Variants in ZBTB34 observed in about 807,000 individuals in gnomAD.
ZBTB34 encodes zinc finger and BTB domain-containing protein 34.
ZBTB34 carries 1 observed loss-of-function variant against 33.4 expected under a neutral mutation model. The observed-to-expected ratio is 0.03, with a 90% confidence interval of 0.01 to 0.14. The LOEUF is 0.14. ZBTB34 is among the 10% of genes least tolerant of loss of function. The pLI is 1.00. For missense variants in ZBTB34, 406 were observed against 657.2 expected, an observed-to-expected ratio of 0.62 and a Z score of 4.18; for synonymous variants, 283 against 253.5, an observed-to-expected ratio of 1.12 and a Z score of -1.11.
exon 2 of ZBTB34, chr9:126,881,402 A>G (rs2033439796): frequency 6.2e-6 from 1 of 161,838 alleles, no homozygotes; most frequent in Admixed American, 6.7e-5. Flanking sequence ...TATATATAGT[A>G]TATATACATT....
chr9:126,875,734 T>C (rs527895884), intron 1 of ZBTB34, among the ~76,000 whole-genome samples: 4 of 152,330 alleles, frequency 2.6e-5, no homozygotes, highest in Non-Finnish European at 5.9e-5. Flanking sequence ...ATTTGCATAT[T>C]ATATCTGCAT....
chr9:126,869,768 T>A lies in ZBTB34; in HGVS notation c.-11+9029T>A, dbSNP rs79817096. 6.5e-3 allele frequency among the ~76,000 whole-genome samples: 985 copies of A among 152,272 alleles called. 38 individuals carry two copies. The East Asian group carries it at 0.1, about 16-fold the overall frequency. ...TCTCTTTCTTTGTAAGAAAGTAAGA[T>A]TTTGGAAGTAAGAAATTAAAGAAAT... On this transcript the variant is annotated intron_variant, in intron 1 of 1. Coordinates refer to ENST00000319119, the Ensembl canonical transcript of ZBTB34.
chr9:126,873,215 T>G (rs1386653038), intron 1 of ZBTB34, among the ~76,000 whole-genome samples: 1 of 152,192 alleles, frequency 6.6e-6, no homozygotes, highest in African/African-American at 2.4e-5. Context: ...CTGAGTTGCA[T>G]TTTTATAAGT....
exon 2 of ZBTB34, chr9:126,884,180 A>G (rs2033487563): frequency 1.2e-5 from 2 of 167,072 alleles, no homozygotes; most frequent in South Asian, 2.1e-4. Context: ...CCTTTTCAAT[A>G]TTAGACAATG....
intron 1 of ZBTB34, among the ~76,000 whole-genome samples, chr9:126,865,353 G>A (rs548219894): frequency 6.6e-6 from 1 of 152,244 alleles, no homozygotes. Context: ...CTCTGGGCAC[G>A]CAGTCCCTGC....
chr9:126,869,265 G>C (rs143361892), intron 1 of ZBTB34, among the ~76,000 whole-genome samples: 1 of 143,266 alleles, frequency 7.0e-6, no homozygotes, highest in African/African-American at 2.6e-5. Context: ...GGTCCAGCTC[G>C]CTAGGGATAA....
chr9:126,874,076 C>A (rs2033320711), intron 1 of ZBTB34, among the ~76,000 whole-genome samples: 1 of 103,388 alleles, frequency 9.7e-6, no homozygotes, highest in African/African-American at 3.9e-5. Context: ...CAGAGTCTTG[C>A]TGTCTCCTAG....
chr9:126,881,611 C>T (rs2033442781), exon 2 of ZBTB34: 1 of 166,942 alleles, frequency 6.0e-6, no homozygotes, highest in Admixed American at 6.6e-5. Flanking sequence ...TCACAGTGTT[C>T]ACAGCTCTGC....
At chr9:126,878,731 T>TG (rs1384933401) in intron 1 of ZBTB34, among the ~76,000 whole-genome samples, 3 of 151,460 alleles carry the variant, frequency 2.0e-5, no homozygotes, top group African/African-American at 4.8e-5. Context: ...GTTTTGTTTT[T>TG]TTTTTTTTTT....
chr9:126,862,836 G>A (rs1469706193), intron 1 of ZBTB34, among the ~76,000 whole-genome samples: 5 of 151,904 alleles, frequency 3.3e-5, no homozygotes, highest in Admixed American at 3.3e-4. Context: ...TAATACTGGG[G>A]CTGGACTTCT....
chr9:126,884,984 A>C (rs1443977108), exon 2 of ZBTB34: 1 of 167,024 alleles, frequency 6.0e-6, no homozygotes, highest in Non-Finnish European at 1.5e-5. Flanking sequence ...TTATTTATTA[A>C]ATTTTATATA....
chr9:126,863,725 A>G (rs1235554944), intron 1 of ZBTB34: 1 of 985,350 alleles, frequency 1.0e-6, no homozygotes. Flanking sequence ...GAGCTTTTCT[A>G]ATCCTTTTGT....
intron 1 of ZBTB34, among the ~76,000 whole-genome samples, chr9:126,862,074 GAATT>G (rs1202024237): frequency 6.6e-6 from 1 of 152,170 alleles, no homozygotes; most frequent in East Asian, 1.9e-4. Flanking sequence ...GTGTGCTGTA[GAATT>G]AAGAAGGAGA....
intron 1 of ZBTB34, among the ~76,000 whole-genome samples, chr9:126,868,111 T>C (rs2033232419): frequency 6.6e-6 from 1 of 152,184 alleles, no homozygotes; most frequent in African/African-American, 2.4e-5. Flanking sequence ...CGCTTGCTCT[T>C]CCTGTTTTTG....
At chr9:126,863,827 T>C in intron 1 of ZBTB34, 1 of 461,170 alleles carries the variant, frequency 2.2e-6, no homozygotes. Flanking sequence ...CCTTACTATT[T>C]TTTAGTTATT....
At chr9:126,874,496 TAGAA>T (rs1464067380) in intron 1 of ZBTB34, among the ~76,000 whole-genome samples, 1 of 152,206 alleles carries the variant, frequency 6.6e-6, no homozygotes, top group East Asian at 1.9e-4. Context: ...TTTGTGTGCT[TAGAA>T]AAACCTCTAG....
chr9:126,872,302 T>C (rs1382302295), intron 1 of ZBTB34, among the ~76,000 whole-genome samples: 1 of 152,074 alleles, frequency 6.6e-6, no homozygotes, highest in Admixed American at 6.6e-5. Flanking sequence ...CTATAGTCTA[T>C]AGGGAGCTAT....
At chr9:126,873,797 G>A (rs2119220486) in intron 1 of ZBTB34, among the ~76,000 whole-genome samples, 1 of 151,376 alleles carries the variant, frequency 6.6e-6, no homozygotes. Flanking sequence ...TAGAGACAGG[G>A]TTGCACCAGG....
intron 1 of ZBTB34, among the ~76,000 whole-genome samples, chr9:126,873,955 G>A (rs1200481907): frequency 2.6e-5 from 4 of 151,284 alleles, no homozygotes; most frequent in African/African-American, 9.7e-5. Context: ...CTTTTTAAAA[G>A]CCTCTGTTCA....
Sources: allele counts gnomAD v4.1 joint callset (sites outside exome capture counted in the v4.1 genomes callset), GRCh38; gene constraint gnomAD v4.1.1; transcripts MANE v1.5; gene names NCBI Gene and HGNC (gene_info 2026-07-23, HGNC 2026-07-21).